Variants in ZNF365 observed in about 807,000 individuals in gnomAD.
The protein encoded by ZNF365 is protein ZNF365.
A neutral mutation model predicts 35.0 loss-of-function variants in ZNF365; 22 were observed. The observed-to-expected ratio is 0.63, with a 90% CI of 0.45 to 0.90. ZNF365 has a LOEUF of 0.90. Ranked by LOEUF, ZNF365 falls within the 40% of genes least tolerant of loss-of-function variation. ZNF365 has a pLI of 0.00. For missense variants in ZNF365, 448 were observed against 500.3 expected, an observed-to-expected ratio of 0.90 and a Z score of 1.00; for synonymous variants, 188 against 196.2, an observed-to-expected ratio of 0.96 and a Z score of 0.35.
At chr10:62,461,257 T>A (rs781519444) in intron 4 of ZNF365, among the ~76,000 whole-genome samples, 9 of 152,224 alleles carry the variant, frequency 5.9e-5, no homozygotes, top group Admixed American at 2.0e-4. Flanking sequence ...GGGCGTTCTA[T>A]CACACGTGGG....
At chr10:62,445,832 A>G (rs773460259) in intron 3 of ZNF365, among the ~76,000 whole-genome samples, 1 of 152,122 alleles carries the variant, frequency 6.6e-6, no homozygotes, top group Non-Finnish European at 1.5e-5. Context: ...CTTTTTCTTC[A>G]TTGGCCTCGG....
intron 4 of ZNF365, among the ~76,000 whole-genome samples, chr10:62,474,472 C>CGT (rs1036030228): frequency 1.3e-5 from 2 of 152,010 alleles, no homozygotes; most frequent in African/African-American, 2.4e-5. Context: ...TTTGCCATTT[C>CGT]GTGTGTGTGT....
chr10:62,420,544 C>G (rs1012580161), intron 3 of ZNF365, among the ~76,000 whole-genome samples: 1 of 152,128 alleles, frequency 6.6e-6, no homozygotes, highest in Non-Finnish European at 1.5e-5. Context: ...GCCCATATAA[C>G]TGCAAAGAAG....
chr10:62,457,535 T>G (rs1327644991), intron 3 of ZNF365, among the ~76,000 whole-genome samples: 1 of 152,216 alleles, frequency 6.6e-6, no homozygotes, highest in Non-Finnish European at 1.5e-5. Flanking sequence ...GCTAGCTACA[T>G]ATAGGGGAAA....
intron 4 of ZNF365, among the ~76,000 whole-genome samples, chr10:62,463,705 A>C (rs1840885558): frequency 6.6e-6 from 1 of 152,258 alleles, no homozygotes; most frequent in Admixed American, 6.5e-5. Context: ...CATAATGCCC[A>C]GTATCCCTTT....
At chr10:62,478,655 G>A (rs528446651) in intron 4 of ZNF365, among the ~76,000 whole-genome samples, 1 of 152,258 alleles carries the variant, frequency 6.6e-6, no homozygotes, top group East Asian at 1.9e-4. Flanking sequence ...CTCACTGCAA[G>A]CTCCGCCTCC....
Position 62,441,088 on chromosome 10 carries a change from T to C in ZNF365, c.925-18653T>C, listed in dbSNP as rs143307119. ...GAGTATTCTTTGTGCTTTATCTACATTGTTTGGTTGAATCCCCATAAAAAG... is the reference window on the plus strand; with the variant it reads ...GAGTATTCTTTGTGCTTTATCTACACTGTTTGGTTGAATCCCCATAAAAAG... On this transcript the variant is annotated intron_variant, in intron 3 of 4. Transcript: ENST00000395255. Among the ~76,000 whole-genome samples, 191 of 152,292 alleles carry C rather than the reference T, an allele frequency of 1.3e-3. 1 individual carries two copies. The highest frequency in any genetic ancestry group is 4.3e-3 in the African/African-American group (179 of 41,584).
At chr10:62,378,309 A>G (rs1839370801) in intron 2 of ZNF365, among the ~76,000 whole-genome samples, 1 of 152,232 alleles carries the variant, frequency 6.6e-6, no homozygotes. Flanking sequence ...TGCTTCATTC[A>G]AGAGCAGTGA....
chr10:62,393,108 A>G (rs1341415252), intron 3 of ZNF365, among the ~76,000 whole-genome samples: 2 of 151,674 alleles, frequency 1.3e-5, no homozygotes, highest in Non-Finnish European at 2.9e-5. Context: ...TCCTGTTCGC[A>G]TCTTTTCCCA....
intron 4 of ZNF365, among the ~76,000 whole-genome samples, chr10:62,461,398 A>G (rs1038798863): frequency 6.6e-6 from 1 of 152,204 alleles, no homozygotes; most frequent in African/African-American, 2.4e-5. Flanking sequence ...TGAGCTCCTG[A>G]GTAAAATCTT....
At chr10:62,389,072 T>C (rs1342222244) in intron 3 of ZNF365, among the ~76,000 whole-genome samples, 1 of 152,202 alleles carries the variant, frequency 6.6e-6, no homozygotes, top group Non-Finnish European at 1.5e-5. Context: ...TCAAAAAGAC[T>C]GAAAGATTCA....
chr10:62,439,114 G>T (rs1185565904), intron 3 of ZNF365, among the ~76,000 whole-genome samples: 1 of 152,120 alleles, frequency 6.6e-6, no homozygotes, highest in Non-Finnish European at 1.5e-5. Flanking sequence ...ATGGTTTCTG[G>T]TCAGTATAGA....
chr10:62,432,887 T>G (rs1026986815), intron 3 of ZNF365, among the ~76,000 whole-genome samples: 1 of 152,150 alleles, frequency 6.6e-6, no homozygotes. Flanking sequence ...CCCAGAATAT[T>G]CTCTTGAAAG....
exon 5 of ZNF365, chr10:62,480,248 G>C (rs1841201456): frequency 9.8e-7 from 1 of 1,021,150 alleles, no homozygotes; most frequent in Non-Finnish European, 1.2e-6. Flanking sequence ...GGACATGGCA[G>C]GTACTCAGTT....
chr10:62,418,173 A>G (rs932585011), intron 3 of ZNF365, among the ~76,000 whole-genome samples: 2 of 152,052 alleles, frequency 1.3e-5, no homozygotes, highest in Non-Finnish European at 2.9e-5. Context: ...TATAGTATTG[A>G]TATTTGAACA....
chr10:62,445,031 T>C (rs1416271568), intron 3 of ZNF365, among the ~76,000 whole-genome samples: 1 of 151,830 alleles, frequency 6.6e-6, no homozygotes, highest in Non-Finnish European at 1.5e-5. Context: ...AGGTGTTTGG[T>C]TTTTTGTCCT....
At position 62,450,032 on chromosome 10, in the gene ZNF365, G is replaced by A. The variant is rs558416859; in HGVS notation, c.925-9709G>A. Among the ~76,000 whole-genome samples the A allele has an allele frequency of 3.3e-5, 5 of 151,902 alleles. No homozygotes were observed. The South Asian group carries it at 1.0e-3, about 32-fold the overall frequency. On this transcript the variant is annotated intron_variant, in intron 3 of 4. Coordinates refer to the ZNF365 transcript ENST00000395255. ...TCACACCTGCAATCTCAGCATTTTG[G>A]GAGGCTGAGGTGGAAGGATTGCTTG...
At chr10:62,444,677 A>G (rs1840557003) in intron 3 of ZNF365, among the ~76,000 whole-genome samples, 1 of 152,012 alleles carries the variant, frequency 6.6e-6, no homozygotes, top group South Asian at 2.1e-4. Context: ...GAATGTTCGA[A>G]TCTCTTCTTG....
intron 3 of ZNF365, among the ~76,000 whole-genome samples, chr10:62,395,123 A>G (rs1419188715): frequency 6.6e-6 from 1 of 152,154 alleles, no homozygotes; most frequent in Non-Finnish European, 1.5e-5. Flanking sequence ...GGCTCTCTGT[A>G]TCTTCACTAA....
Sources: allele counts gnomAD v4.1 joint callset (sites outside exome capture counted in the v4.1 genomes callset), GRCh38; gene constraint gnomAD v4.1.1; transcripts MANE v1.5; gene names NCBI Gene and HGNC (gene_info 2026-07-23, HGNC 2026-07-21).